The following SND1 variants were observed in gnomAD, a reference collection of about 807,000 sequenced individuals.
SND1 encodes staphylococcal nuclease and tudor domain containing 1, also known as staphylococcal nuclease domain-containing protein 1.
In SND1, 38 loss-of-function variants were observed where a neutral mutation model predicts 121.7. The observed-to-expected ratio is 0.31, with a 90% CI of 0.24 to 0.41. The LOEUF is 0.41. Ranked by LOEUF, SND1 falls within the 10% of genes least tolerant of loss-of-function variation. SND1 has a pLI of 1.00. For synonymous variants in SND1, 401 were observed against 447.4 expected (o/e 0.90, Z 1.31); for missense variants, 868 against 1,184.6 (o/e 0.73, Z 3.92).
intron 12 of SND1, among the ~76,000 whole-genome samples, chr7:127,885,306 G>A (rs1032035421): frequency 3.3e-5 from 5 of 152,074 alleles, no homozygotes; most frequent in East Asian, 3.9e-4. Context: ...CATATGCATT[G>A]CACGTAGTGA....
At chr7:127,748,451 G>A (rs968556878) in intron 10 of SND1, among the ~76,000 whole-genome samples, 2 of 152,096 alleles carry the variant, frequency 1.3e-5, no homozygotes, top group Admixed American at 1.3e-4. Flanking sequence ...TGTCTGGATC[G>A]GAATTGCATC....
At chr7:127,799,561 A>T (rs1798090663) in intron 10 of SND1, among the ~76,000 whole-genome samples, 1 of 152,202 alleles carries the variant, frequency 6.6e-6, no homozygotes, top group South Asian at 2.1e-4. Flanking sequence ...CACTTAAGGG[A>T]GGTAGTTATC....
intron 6 of SND1, among the ~76,000 whole-genome samples, 181 bp downstream of exon 6, chr7:127,702,707 A>G (rs1455922695): frequency 6.6e-6 from 1 of 152,092 alleles, no homozygotes; most frequent in African/African-American, 2.4e-5. Context: ...CAAATTATTT[A>G]TTTATTTTTT....
At position 128,006,232 on chromosome 7, in the gene SND1, G is replaced by A. The variant is rs141823250; in HGVS notation, c.1779+15176G>A. On this transcript the variant is annotated intron_variant, in intron 16 of 23. Transcript: ENST00000354725. ...AGAGAAACAAGCATGGGAAGGGTGCGTGCGTGCGTGCGTGTGTGTGTGTGT... is the reference window on the plus strand; with the variant it reads ...AGAGAAACAAGCATGGGAAGGGTGCATGCGTGCGTGCGTGTGTGTGTGTGT... Among the ~76,000 whole-genome samples, 799 of 152,120 alleles carry A rather than the reference G, an allele frequency of 5.3e-3. 4 individuals carry two copies. Among genetic ancestry groups the A allele is most frequent in the Middle Eastern group, 0.017 (5 of 294 alleles).
intron 16 of SND1, among the ~76,000 whole-genome samples, chr7:128,024,862 T>C (rs1803438815): frequency 6.6e-6 from 1 of 152,174 alleles, no homozygotes; most frequent in African/African-American, 2.4e-5. Context: ...AGTATTCTCA[T>C]TGTTGAGCCG....
At chr7:128,000,021 T>G (rs1433158682) in intron 16 of SND1, 1 of 147,930 alleles carries the variant, frequency 6.8e-6, no homozygotes, top group African/African-American at 2.5e-5. Context: ...TAGTTTCTCT[T>G]ACCTCTGTAA....
intron 12 of SND1, among the ~76,000 whole-genome samples, chr7:127,844,667 T>A (rs968484912): frequency 6.6e-6 from 1 of 152,230 alleles, no homozygotes; most frequent in Non-Finnish European, 1.5e-5. Context: ...TGCCTGGCAC[T>A]ATGAAGTACA....
intron 1 of SND1, among the ~76,000 whole-genome samples, chr7:127,675,930 G>A (rs1252942410): frequency 6.6e-6 from 1 of 152,224 alleles, no homozygotes; most frequent in Non-Finnish European, 1.5e-5. Context: ...GCGTGAGGTA[G>A]TGAGGACTTG....
chr7:127,941,374 CTTA>C (rs1454968811), intron 15 of SND1, among the ~76,000 whole-genome samples: 11 of 152,220 alleles, frequency 7.2e-5, no homozygotes, highest in Non-Finnish European at 1.5e-5. Flanking sequence ...CCTTAATATA[CTTA>C]TTATACTCTG....
intron 16 of SND1, among the ~76,000 whole-genome samples, chr7:128,001,748 A>T (rs1369015434): frequency 6.6e-6 from 1 of 152,166 alleles, no homozygotes; most frequent in South Asian, 2.1e-4. Flanking sequence ...CCTGACCAAC[A>T]TGGAGAAACC....
In SND1 at chr7:127,859,613, TG is replaced by T. The variant is rs200855486; in HGVS notation, c.1343+15190del. ...ATTTCTTGAGGAGAGTAGTATTAGC[TG>T]AAGTTTTCTGTCTGGGTAGTTTTTC... On this transcript the variant is annotated intron_variant, in intron 12 of 23. Transcript: ENST00000354725. Among the ~76,000 whole-genome samples the T allele has an allele frequency of 3.9e-3, 600 of 152,354 alleles. 6 individuals are homozygous for T. The highest frequency in any genetic ancestry group is 0.014 in the African/African-American group (565 of 41,576).
intron 16 of SND1, among the ~76,000 whole-genome samples, chr7:128,044,784 T>C (rs959179947): frequency 5.3e-5 from 8 of 152,074 alleles, no homozygotes; most frequent in African/African-American, 1.9e-4. Flanking sequence ...TCCCATTCAG[T>C]ACTTTATTTT....
intron 13 of SND1, among the ~76,000 whole-genome samples, chr7:127,894,764 C>G (rs1328685705): frequency 6.6e-6 from 1 of 150,930 alleles, no homozygotes; most frequent in Non-Finnish European, 1.5e-5. Flanking sequence ...CAAGGCTGGT[C>G]TGTGTTGCAT....
Position 127,696,388 on chromosome 7 carries a change from C to A in SND1, c.349+1440C>A, listed in dbSNP as rs7778034. ...AATGAGAAATTATAGAAACCTAAGG[C>A]CTCTTTTCAAAAAGGGAAATAAGTT... On this transcript the variant is annotated intron_variant, in intron 3 of 23. Transcript: ENST00000354725. 3.1e-3 allele frequency among the ~76,000 whole-genome samples: 473 copies of A among 152,126 alleles called. 5 individuals are homozygous for A. The highest frequency in any genetic ancestry group is 0.011 in the African/African-American group (453 of 41,496).
At chr7:127,811,588 C>T (rs972951175) in intron 11 of SND1, among the ~76,000 whole-genome samples, 1 of 152,088 alleles carries the variant, frequency 6.6e-6, no homozygotes, top group African/African-American at 2.4e-5. Context: ...CTCGTCTAGC[C>T]TGGACTCCTA....
chr7:127,695,897 G>A (rs1795999186), intron 3 of SND1, among the ~76,000 whole-genome samples: 1 of 152,114 alleles, frequency 6.6e-6, no homozygotes, highest in Non-Finnish European at 1.5e-5. Context: ...GTATAGCTGG[G>A]CCAGATGCTT....
intron 15 of SND1, among the ~76,000 whole-genome samples, chr7:127,929,816 A>G (rs545778274): frequency 9.9e-5 from 15 of 152,242 alleles, no homozygotes; most frequent in East Asian, 3.9e-4. Context: ...AACCCCAGCC[A>G]TGACGTTGCT....
intron 10 of SND1, among the ~76,000 whole-genome samples, chr7:127,745,596 G>A (rs370767963): frequency 9.8e-5 from 15 of 152,298 alleles, no homozygotes; most frequent in African/African-American, 3.6e-4. Flanking sequence ...GACTAATGAT[G>A]ATAGCGAGAC....
chr7:127,996,599 A>G (rs1255690920), intron 16 of SND1, among the ~76,000 whole-genome samples: 2 of 152,174 alleles, frequency 1.3e-5, no homozygotes, highest in Non-Finnish European at 2.9e-5. Flanking sequence ...CAAGAAAGTA[A>G]TGGACGCCCA....
Sources: allele counts gnomAD v4.1 joint callset (sites outside exome capture counted in the v4.1 genomes callset), GRCh38; gene constraint gnomAD v4.1.1; transcripts MANE v1.5; gene names NCBI Gene and HGNC (gene_info 2026-07-23, HGNC 2026-07-21).